The following TMEM106B variants were observed in gnomAD, a reference collection of about 807,000 sequenced individuals.
TMEM106B encodes the protein transmembrane protein 106B.
TMEM106B carries 15 observed loss-of-function variants against 31.1 expected under a neutral mutation model. That is an observed-to-expected ratio of 0.48 (90% CI 0.32 to 0.74). TMEM106B has a LOEUF of 0.74. Among genes scored for constraint, TMEM106B ranks in the 30% least tolerant of loss-of-function variants. TMEM106B has a pLI of 0.03. For synonymous variants in TMEM106B, 126 were observed against 112.5 expected, an observed-to-expected ratio of 1.12 and a Z score of -0.76; for missense variants, 283 against 327.3, an observed-to-expected ratio of 0.86 and a Z score of 1.04.
intron 2 of TMEM106B, among the ~76,000 whole-genome samples, chr7:12,217,364 A>T (rs1294999982): frequency 6.6e-6 from 1 of 152,206 alleles, no homozygotes; most frequent in Non-Finnish European, 1.5e-5. Context: ...AGCGAAGAAG[A>T]TATTAAAGAT....
At chr7:12,228,148 A>T (rs2128526895) in intron 4 of TMEM106B, among the ~76,000 whole-genome samples, 1 of 152,018 alleles carries the variant, frequency 6.6e-6, no homozygotes, top group East Asian at 1.9e-4. Flanking sequence ...GTTTGAGAAC[A>T]TTTTTGAAAT....
At chr7:12,223,039 A>C (rs1181451400) in intron 3 of TMEM106B, among the ~76,000 whole-genome samples, 1 of 152,188 alleles carries the variant, frequency 6.6e-6, no homozygotes, top group Non-Finnish European at 1.5e-5. Context: ...AAACAAAAAA[A>C]GGATGTTGTG....
intron 2 of TMEM106B, chr7:12,215,668 T>G: frequency 2.7e-6 from 1 of 367,774 alleles, no homozygotes; most frequent in Non-Finnish European, 5.9e-6. Flanking sequence ...TCATCCAGCC[T>G]TGGCCTCCCA....
chr7:12,229,553 C>T, intron 4 of TMEM106B, 126 bp from the exon 5 acceptor site: 1 of 757,430 alleles, frequency 1.3e-6, no homozygotes, highest in African/African-American at 1.8e-5. Flanking sequence ...TTTTCTTTGA[C>T]ATTTTGGTAT....
chr7:12,214,929 G>C lies in TMEM106B; in HGVS notation c.119G>C (p.Gly40Ala), dbSNP rs759330785. The change falls in exon 2 of 8, where the codon GGA (glycine) becomes GCA (alanine). Residue 40 changes from glycine to alanine, a missense_variant. By Grantham distance (60) the Gly-to-Ala change is moderately conservative. Around this residue, in one of 3 missense-constraint regions of TMEM106B, gnomAD observed 77 missense variants for 89.4 expected, o/e 0.86. Coordinates refer to ENST00000396668, the MANE Select transcript of TMEM106B (RefSeq NM_001134232.2). ...LVNSEVHNEDGRNGDVSQFPY... is the reference protein window; with the variant it reads ...LVNSEVHNEDARNGDVSQFPY... ...AATAGTGAAGTCCATAATGAAGATG[G>C]AAGAAATGGAGATGTCTCTCAGTTT... 1.2e-6 allele frequency: 2 copies of C among 1,613,968 alleles called. No homozygotes were observed. Among genetic ancestry groups the C allele is most frequent in the Non-Finnish European group, 1.7e-6 (2 of 1,179,986 alleles).
At chr7:12,222,939 T>G (rs1781816373) in intron 3 of TMEM106B, among the ~76,000 whole-genome samples, 1 of 152,142 alleles carries the variant, frequency 6.6e-6, no homozygotes, top group Non-Finnish European at 1.5e-5. Context: ...AGAAAGGAAA[T>G]GGTGGCGGAG....
At position 12,238,485 on chromosome 7, in the gene TMEM106B, T is replaced by G. The variant is rs1363878833; in HGVS notation, c.*6510T>G. On this transcript the variant is annotated 3_prime_UTR_variant, in exon 8 of 8. Transcript: ENST00000396668. ...GACCTCTTCCCCTGAATCACAAATGTTGTTAATGGCATCTAGAATGGCAAA... is the reference window on the plus strand; with the variant it reads ...GACCTCTTCCCCTGAATCACAAATGGTGTTAATGGCATCTAGAATGGCAAA... The G allele has an allele frequency of 6.6e-6, 1 of 152,262 alleles. No individual in the cohort carries two copies. The highest frequency in any genetic ancestry group is 1.5e-5 in the Non-Finnish European group (1 of 68,092). 9.4% of individuals were successfully genotyped at this position (152,262 alleles called of 1,614,324 possible).
rs1184903850 is a variant in TMEM106B at position 12,234,650 on chromosome 7, G to C, written c.*2675G>C. The stretch of plus-strand genomic sequence containing the variant: ...CTAAACTGCTCTCAGACCTTATCCA[G>C]AGGACATGGTAAAGATATGTTACAG... On this transcript the variant is annotated 3_prime_UTR_variant, in exon 8 of 8. Coordinates refer to ENST00000396668, the MANE Select transcript of TMEM106B (RefSeq NM_001134232.2). 6.6e-6 allele frequency: 1 copy of C among 151,864 alleles called. No homozygotes were observed. The highest frequency in any genetic ancestry group is 2.4e-5 in the African/African-American group (1 of 41,396). 9.4% of individuals were successfully genotyped at this position (151,864 alleles called of 1,614,324 possible).
intron 2 of TMEM106B, among the ~76,000 whole-genome samples, chr7:12,216,206 G>C (rs537198764): frequency 6.6e-6 from 1 of 152,142 alleles, no homozygotes; most frequent in African/African-American, 2.4e-5. Flanking sequence ...AGGCTCAGGG[G>C]GTAGGGGAGT....
chr7:12,232,151 A>G lies in TMEM106B; in HGVS notation c.*176A>G, dbSNP rs1398457319. 8.2e-6 allele frequency: 4 copies of G among 485,518 alleles called. No individual in the cohort carries two copies. Among genetic ancestry groups the G allele is most frequent in the Non-Finnish European group, 1.1e-5 (3 of 279,832 alleles). The allele number at this position is 485,518 out of a possible 1,614,324, so 30.1% of individuals were successfully genotyped here. On this transcript the variant is annotated 3_prime_UTR_variant, in exon 8 of 8. Transcript: ENST00000396668. ...TCTTGTAACTCTCCACTCTGTGTTA[A>G]TGATATATTTGTACTAGGATCTTTT...
intron 4 of TMEM106B, among the ~76,000 whole-genome samples, chr7:12,226,925 TA>T (rs35642626): frequency 0.51 from 77,102 of 151,856 alleles, 20,649 homozygotes; most frequent in African/African-American, 0.66. Context: ...ATACACTGTT[TA>T]AAACATTGGC....
At chr7:12,227,328 G>A (rs767301215) in intron 4 of TMEM106B, among the ~76,000 whole-genome samples, 17 of 151,886 alleles carry the variant, frequency 1.1e-4, no homozygotes, top group Non-Finnish European at 2.4e-4. Flanking sequence ...GAAAATATTT[G>A]TCATTATAAG....
Position 12,231,996 on chromosome 7 carries a change from A to G in TMEM106B, c.*21A>G. 2 of 1,605,616 alleles carry G rather than the reference A, an allele frequency of 1.2e-6. 1 individual carries two copies. The highest frequency in any genetic ancestry group is 2.2e-5 in the South Asian group (2 of 90,474). On this transcript the variant is annotated 3_prime_UTR_variant, in exon 8 of 8. Transcript: ENST00000396668. ...AGTAAAAACTGGAAGAGATGGATTT[A>G]AAGAAGAAATATCTATTGATATTTC...
chr7:12,231,246 G>C, intron 7 of TMEM106B, 131 bp downstream of exon 7: 1 of 632,636 alleles, frequency 1.6e-6, no homozygotes, highest in Non-Finnish European at 2.8e-6. Context: ...AGAGTGCTAT[G>C]AGTAAATATC....
At chr7:12,212,352 A>G (rs73301009) in intron 1 of TMEM106B, among the ~76,000 whole-genome samples, 2,333 of 152,256 alleles carry the variant, frequency 0.015, 53 homozygotes, top group African/African-American at 0.053. Flanking sequence ...ATAGACCCCA[A>G]GGTTACAGTG....
chr7:12,228,123 G>T (rs115298566), intron 4 of TMEM106B, among the ~76,000 whole-genome samples: 1,673 of 151,876 alleles, frequency 0.011, 18 homozygotes, highest in African/African-American at 0.038. Flanking sequence ...TATATTTAAA[G>T]ATTATTTTTA....
chr7:12,229,744 T>C lies in TMEM106B; in HGVS notation c.507T>C (p.Val169=), dbSNP rs1388552236. ...SVEVENITAQ[V]QFSKTVIGKA... ...AAGTTGAAAACATCACTGCCCAAGT[T>C]CAATTTTCAAAAACAGTTATTGGAA... The change falls in exon 5 of 8, where the codon GTT becomes GTC. Residue 169 remains valine, a synonymous_variant. Transcript: ENST00000396668. 1.2e-6 allele frequency: 2 copies of C among 1,613,440 alleles called. No individual in the cohort carries two copies. Among genetic ancestry groups the C allele is most frequent in the East Asian group, 4.5e-5 (2 of 44,826 alleles).
At position 12,214,992 on chromosome 7, in the gene TMEM106B, G is replaced by A. The variant is rs748717314; in HGVS notation, c.182G>A (p.Cys61Tyr). 2 of 1,613,964 alleles carry A rather than the reference G, an allele frequency of 1.2e-6. No homozygotes were observed. Among genetic ancestry groups the A allele is most frequent in the South Asian group, 1.1e-5 (1 of 91,074 alleles). Residue 61 changes from cysteine (C) to tyrosine (Y), a missense_variant, in exon 2 of 8, where the codon TGC (cysteine) becomes TAC (tyrosine). Physicochemically the swap from Cys to Tyr is radical, Grantham distance 194. Coordinates refer to ENST00000396668, the MANE Select transcript of TMEM106B (RefSeq NM_001134232.2). ...TTTACAGGAAGAGATAGTGTCACCT[G>A]CCCTACTTGTCAGGGAACAGGAAGA... is the stretch of plus-strand genomic sequence containing the variant. Reference protein sequence around the residue: ...VEFTGRDSVTCPTCQGTGRIP... With the variant: ...VEFTGRDSVTYPTCQGTGRIP...
In TMEM106B at chr7:12,235,412, G is replaced by C. The variant is rs749060948; in HGVS notation, c.*3437G>C. ...TTTGTGTACAGTTTTTCTGTGCCTTGTTAGGCCAGTGAAGCAATTATTTTC... is the reference window on the plus strand; with the variant it reads ...TTTGTGTACAGTTTTTCTGTGCCTTCTTAGGCCAGTGAAGCAATTATTTTC... On this transcript the variant is annotated 3_prime_UTR_variant, in exon 8 of 8. Transcript: ENST00000396668. The C allele has an allele frequency of 1.3e-5, 2 of 152,010 alleles. No homozygotes were observed. The highest frequency in any genetic ancestry group is 3.0e-5 in the Non-Finnish European group (2 of 67,756). 9.4% of individuals were successfully genotyped at this position (152,010 alleles called of 1,614,324 possible). A position where few individuals can be genotyped will look rare whatever the true frequency, so the allele number is the denominator to read the frequency against.
Sources: allele counts gnomAD v4.1 joint callset (sites outside exome capture counted in the v4.1 genomes callset), GRCh38; gene constraint gnomAD v4.1.1; regional missense constraint gnomAD v4.1.1; transcripts MANE v1.5; gene names NCBI Gene and HGNC (gene_info 2026-07-23, HGNC 2026-07-21).